Variants in MLIP observed in about 807,000 individuals in gnomAD.
The protein encoded by MLIP is muscular LMNA interacting protein, also known as muscular LMNA-interacting protein.
MLIP carries 79 observed loss-of-function variants against 84.8 expected under a neutral mutation model. The observed-to-expected ratio is 0.93, with a 90% confidence interval of 0.78 to 1.12. The LOEUF (loss-of-function observed/expected upper bound fraction) is 1.12. Among genes scored for constraint, MLIP ranks in the 50% most tolerant of loss-of-function variants. The pLI, the probability that MLIP is intolerant of heterozygous loss-of-function variation, is 0.00. For synonymous variants in MLIP, 504 were observed against 463.0 expected, an observed-to-expected ratio of 1.09 and a Z score of -1.14; for missense variants, 1,257 against 1,160.6, an observed-to-expected ratio of 1.08 and a Z score of -1.21.
intron 1 of MLIP, among the ~76,000 whole-genome samples, chr6:54,054,495 G>A (rs1450579546): frequency 1.3e-5 from 2 of 150,812 alleles, no homozygotes; most frequent in African/African-American, 4.9e-5. Flanking sequence ...ATAGCATCCT[G>A]TAATGGAATG....
Position 54,137,589 on chromosome 6 carries a change from C to G in MLIP, c.1520C>G (p.Ser507Cys). ...TKSTPLSQAP[S>C]LSPTKQASSS... Reference sequence around the variant, plus strand: ...TCTACTCCGCTTTCTCAGGCGCCCTCCCTCTCTCCTACAAAACAGGCTAGT... The same window carrying G: ...TCTACTCCGCTTTCTCAGGCGCCCTGCCTCTCTCCTACAAAACAGGCTAGT... Residue 507 changes from serine (S) to cysteine (C), a missense_variant, in exon 4 of 14, where the codon TCC (serine) becomes TGC (cysteine). Transcript: ENST00000502396. 6.5e-7 allele frequency: 1 copy of G among 1,536,120 alleles called. No homozygotes were observed. Among genetic ancestry groups the G allele is most frequent in the Non-Finnish European group, 8.7e-7 (1 of 1,146,902 alleles).
intron 1 of MLIP, among the ~76,000 whole-genome samples, chr6:54,061,983 A>G (rs1030083927): frequency 3.3e-5 from 5 of 152,114 alleles, no homozygotes; most frequent in Admixed American, 6.6e-5. Flanking sequence ...TTTGAAATGT[A>G]CTTATTTTCC....
At chr6:54,110,935 T>A (rs1365430682), upstream of MLIP, among the ~76,000 whole-genome samples, 1 of 152,260 alleles carries the variant, frequency 6.6e-6, no homozygotes, top group East Asian at 1.9e-4. Flanking sequence ...CAGATGCTCC[T>A]GTATTGTTGC....
rs1770777159 is a variant in MLIP at position 54,124,806 on chromosome 6, A to C, written c.586A>C (p.Lys196Gln). 2 of 1,613,228 alleles carry C rather than the reference A, an allele frequency of 1.2e-6. No individual in the cohort carries two copies. The highest frequency in any genetic ancestry group is 1.7e-5 in the Admixed American group (1 of 59,910). ...VRPKTQGTDL[K>Q]TSSHPEMLHG... is the part of the protein sequence containing the mutation. ...TCCCAAAACACAGGGGACTGATCTC[A>C]AGACCTCATCACATCCTGAAATGCT... Residue 196 changes from lysine to glutamine, a missense_variant, in exon 3 of 14, where the codon AAG becomes CAG. By Grantham distance (53) the Lys-to-Gln change is moderately conservative (BLOSUM62 1). Transcript: ENST00000502396.
At chr6:54,177,799 G>A (rs1453482417) in intron 9 of MLIP, among the ~76,000 whole-genome samples, 1 of 152,158 alleles carries the variant, frequency 6.6e-6, no homozygotes, top group Non-Finnish European at 1.5e-5. Flanking sequence ...CAACCCAAAT[G>A]CCCATCAGTG....
At chr6:54,102,879 T>C (rs1006938663) in intron 1 of MLIP, among the ~76,000 whole-genome samples, 1 of 152,138 alleles carries the variant, frequency 6.6e-6, no homozygotes, top group Non-Finnish European at 1.5e-5. Flanking sequence ...AAGCAGTAAA[T>C]ACGATGTAGA....
At chr6:54,198,887 TG>T (rs1314064210) in intron 10 of MLIP, among the ~76,000 whole-genome samples, 1 of 84,496 alleles carries the variant, frequency 1.2e-5, no homozygotes, top group Non-Finnish European at 3.4e-5. Context: ...TCTGTGTGTG[TG>T]TGTGTGTATA....
intron 1 of MLIP, among the ~76,000 whole-genome samples, chr6:54,049,684 A>G (rs1765267239): frequency 1.3e-5 from 2 of 152,118 alleles, no homozygotes; most frequent in South Asian, 4.1e-4. Context: ...CTTACCCCCA[A>G]TCTCCAATTC....
At chr6:54,152,585 T>C (rs779914377) in intron 5 of MLIP, among the ~76,000 whole-genome samples, 22 of 152,242 alleles carry the variant, frequency 1.4e-4, no homozygotes, top group Non-Finnish European at 2.4e-4. Flanking sequence ...CATGATTCAG[T>C]TACCTCCCTC....
chr6:54,121,166 A>AG (rs1333878168), intron 1 of MLIP, among the ~76,000 whole-genome samples: 2 of 152,124 alleles, frequency 1.3e-5, no homozygotes, highest in Admixed American at 1.3e-4. Context: ...ATGCTCTGTG[A>AG]GATTCCAGCT....
Position 54,064,038 on chromosome 6 carries a change from A to C in MLIP, c.63+44947A>C, listed in dbSNP as rs183956343. ...TGAGGTTATAGTATTGATGATCCTT[A>C]TTTTCTAACTACTAAAAATTATTGG... On this transcript the variant is annotated intron_variant, in intron 1 of 12. Transcript: ENST00000274897. 1.3e-3 allele frequency among the ~76,000 whole-genome samples: 130 copies of C among 99,810 alleles called. 17 individuals carry two copies. The Middle Eastern group carries it at 0.029, about 22-fold the overall frequency. 65.5% of individuals were successfully genotyped at this position (99,810 alleles called of 152,430 possible).
chr6:54,131,191 T>C (rs967143625), intron 3 of MLIP, among the ~76,000 whole-genome samples: 2 of 152,176 alleles, frequency 1.3e-5, no homozygotes, highest in African/African-American at 2.4e-5. Flanking sequence ...AGATCAGATG[T>C]CTGGATATGT....
At chr6:54,145,630 G>C (rs1772729579) in intron 4 of MLIP, among the ~76,000 whole-genome samples, 1 of 151,840 alleles carries the variant, frequency 6.6e-6, no homozygotes, top group Non-Finnish European at 1.5e-5. Context: ...AAAAAAATTA[G>C]CTGGGTATGC....
intron 2 of MLIP, among the ~76,000 whole-genome samples, chr6:54,124,070 G>GT (rs1770698460): frequency 6.6e-6 from 1 of 152,066 alleles, no homozygotes; most frequent in Admixed American, 6.6e-5. Flanking sequence ...TTTCAATGGG[G>GT]ATTTCCTTCC....
chr6:54,071,311 CAA>C (rs1223535951), intron 1 of MLIP, among the ~76,000 whole-genome samples: 3 of 151,658 alleles, frequency 2.0e-5, no homozygotes, highest in Non-Finnish European at 4.4e-5. Flanking sequence ...CTGTTTCTAT[CAA>C]AGTTATCTTC....
At chr6:54,054,302 A>G (rs1356317743) in intron 1 of MLIP, among the ~76,000 whole-genome samples, 1 of 152,136 alleles carries the variant, frequency 6.6e-6, no homozygotes, top group Non-Finnish European at 1.5e-5. Context: ...ACCCTGTAAT[A>G]GATGGAAGAC....
chr6:54,202,782 C>T (rs1365622735), intron 11 of MLIP, among the ~76,000 whole-genome samples: 1 of 151,728 alleles, frequency 6.6e-6, no homozygotes, highest in Admixed American at 6.6e-5. Flanking sequence ...CCTGTGGTCC[C>T]AGCTACTTGG....
At chr6:54,212,771 A>C (rs1027945408) in intron 11 of MLIP, among the ~76,000 whole-genome samples, 1 of 152,174 alleles carries the variant, frequency 6.6e-6, no homozygotes, top group Non-Finnish European at 1.5e-5. Context: ...CCTAAGAGAT[A>C]ATTTATTTTC....
intron 1 of MLIP, among the ~76,000 whole-genome samples, chr6:54,060,603 A>G (rs1199683734): frequency 1.3e-5 from 2 of 152,200 alleles, no homozygotes; most frequent in Non-Finnish European, 2.9e-5. Context: ...GCTCATATAC[A>G]TATCAGTTAC....
Sources: gnomAD v4.1 joint callset for allele counts (sites outside exome capture counted in the v4.1 genomes callset) on GRCh38, gnomAD v4.1.1 for gene constraint, MANE v1.5 for transcripts, NCBI Gene and HGNC (gene_info 2026-07-23, HGNC 2026-07-21) for gene names.